The following RAD51B variants were observed in gnomAD, a reference collection of about 807,000 sequenced individuals.
RAD51B encodes the protein DNA repair protein RAD51 homolog 2.
Under a neutral mutation model 42.2 loss-of-function variants are expected in RAD51B, and 38 were observed. The ratio of observed to expected loss-of-function variants is 0.90; its 90% CI spans 0.70 to 1.18. RAD51B has a LOEUF of 1.18. Ranked by LOEUF, RAD51B falls within the 50% of genes most tolerant of loss-of-function variation. RAD51B has a pLI of 0.00. For synonymous variants in RAD51B, 154 were observed against 145.2 expected (o/e 1.06, Z -0.43); for missense variants, 373 against 400.7 (o/e 0.93, Z 0.59).
chr14:68,359,609 G>A (rs749352), intron 8 of RAD51B, among the ~76,000 whole-genome samples: 6,096 of 152,272 alleles, frequency 0.04, 142 homozygotes, highest in African/African-American at 0.056. Flanking sequence ...AGTTCCTATG[G>A]CCGTTACCTC....
At chr14:68,611,864 G>A (rs1251637916), downstream of RAD51B, among the ~76,000 whole-genome samples, 3 of 151,734 alleles carry the variant, frequency 2.0e-5, no homozygotes, top group Admixed American at 6.6e-5. Context: ...GCTGTGGCCT[G>A]ACTCCAAGTC....
At chr14:68,218,284 T>G (rs2079854833) in intron 7 of RAD51B, among the ~76,000 whole-genome samples, 1 of 152,212 alleles carries the variant, frequency 6.6e-6, no homozygotes, top group Admixed American at 6.5e-5. Context: ...CCTTATCCCC[T>G]TTCCAAGTGA....
intron 8 of RAD51B, among the ~76,000 whole-genome samples, chr14:68,315,575 G>A (rs927803479): frequency 3.3e-5 from 5 of 152,044 alleles, no homozygotes; most frequent in East Asian, 3.9e-4. Context: ...AGGCTGGAGT[G>A]CAGTGGCGTG....
At chr14:68,390,433 T>C (rs777880811) in intron 8 of RAD51B, among the ~76,000 whole-genome samples, 3 of 152,266 alleles carry the variant, frequency 2.0e-5, no homozygotes, top group Non-Finnish European at 2.9e-5. Context: ...CCATTGGATT[T>C]GTCTGAGTGA....
chr14:68,227,372 C>T (rs1872884985), intron 7 of RAD51B, among the ~76,000 whole-genome samples: 2 of 152,124 alleles, frequency 1.3e-5, no homozygotes, highest in South Asian at 4.1e-4. Flanking sequence ...TGAAGACTGC[C>T]TGGGTTTAAA....
intron 8 of RAD51B, among the ~76,000 whole-genome samples, chr14:68,338,406 G>A (rs1204227655): frequency 6.6e-6 from 1 of 152,144 alleles, no homozygotes; most frequent in Non-Finnish European, 1.5e-5. Context: ...TGAGCACATG[G>A]CCAAACATGG....
rs2040711717 is a variant in RAD51B at position 67,823,643 on chromosome 14, C to T, written c.84+16C>T. 5 of 1,594,710 alleles carry T rather than the reference C, an allele frequency of 3.1e-6. No individual in the cohort carries two copies. The highest frequency in any genetic ancestry group is 4.3e-6 in the Non-Finnish European group (5 of 1,165,654). On this transcript the variant is annotated intron_variant, in intron 2 of 10. Transcript: ENST00000471583. The stretch of plus-strand genomic sequence containing the variant: ...TACCTGTCAGGTAAATTTTATTTAA[C>T]ATTTTTATTGATAAGTTTTATGCAC...
intron 11 of RAD51B, among the ~76,000 whole-genome samples, chr14:68,654,946 C>G (rs55767067): frequency 3.9e-5 from 6 of 152,068 alleles, no homozygotes; most frequent in African/African-American, 7.2e-5. Flanking sequence ...CTCCCTCCCC[C>G]CCTGCCTTCC....
intron 9 of RAD51B, among the ~76,000 whole-genome samples, chr14:68,432,506 T>A (rs1353963447): frequency 6.6e-6 from 1 of 152,268 alleles, no homozygotes; most frequent in Non-Finnish European, 1.5e-5. Flanking sequence ...CATTATGTAA[T>A]GACCTTCTTT....
intron 8 of RAD51B, among the ~76,000 whole-genome samples, chr14:68,363,260 A>C (rs577850146): frequency 6.6e-6 from 1 of 152,208 alleles, no homozygotes; most frequent in Non-Finnish European, 1.5e-5. Context: ...GATAAACAGA[A>C]TTTTTGAAAC....
rs182350165 is a variant in RAD51B at position 67,891,753 on chromosome 14, A to G, written c.756+4549A>G. Among the ~76,000 whole-genome samples, 12 of 152,216 alleles carry G rather than the reference A, an allele frequency of 7.9e-5. No individual in the cohort carries two copies. In the East Asian group the frequency reaches 2.3e-3, roughly 29 times the overall value. On this transcript the variant is annotated intron_variant, in intron 7 of 10. Coordinates refer to ENST00000471583, the MANE Select transcript of RAD51B (RefSeq NM_133510.4). ...TCTTAGATACTAATAAATATTCAAA[A>G]TAGAAAAATAAGAAACTAGGCCACT...
At chr14:68,332,975 A>G (rs2082378943) in intron 8 of RAD51B, among the ~76,000 whole-genome samples, 1 of 152,182 alleles carries the variant, frequency 6.6e-6, no homozygotes, top group African/African-American at 2.4e-5. Flanking sequence ...GGTGTATCAT[A>G]GTGGAGGGAC....
At chr14:68,472,863 A>G (rs1326201021) in intron 10 of RAD51B, among the ~76,000 whole-genome samples, 1 of 152,242 alleles carries the variant, frequency 6.6e-6, no homozygotes, top group Non-Finnish European at 1.5e-5. Context: ...CTGGAAAGCT[A>G]TGTGCCTCAT....
chr14:68,244,413 T>C (rs2080452906), intron 7 of RAD51B, among the ~76,000 whole-genome samples: 1 of 152,234 alleles, frequency 6.6e-6, no homozygotes, highest in Non-Finnish European at 1.5e-5. Context: ...TTTATTCTCC[T>C]GAGCTCTCTT....
intron 7 of RAD51B, among the ~76,000 whole-genome samples, chr14:67,975,080 G>T (rs762802652): frequency 3.3e-5 from 5 of 151,982 alleles, no homozygotes. Context: ...AAACTTAGCC[G>T]CTTTAAACAA....
At chr14:68,156,989 G>A (rs557862733) in intron 7 of RAD51B, among the ~76,000 whole-genome samples, 42 of 152,196 alleles carry the variant, frequency 2.8e-4, no homozygotes, top group African/African-American at 9.6e-4. Context: ...TTGAGCTCAG[G>A]AGTTCGAGAC....
intron 7 of RAD51B, among the ~76,000 whole-genome samples, chr14:68,075,943 T>C (rs962865668): frequency 5.9e-5 from 9 of 152,190 alleles, no homozygotes; most frequent in African/African-American, 2.2e-4. Flanking sequence ...TGGGATGTCC[T>C]CTCCTGAGAG....
intron 7 of RAD51B, among the ~76,000 whole-genome samples, chr14:68,086,956 T>C (rs758055651): frequency 4.6e-5 from 7 of 151,934 alleles, no homozygotes; most frequent in Non-Finnish European, 1.0e-4. Context: ...ACCAACATGA[T>C]GAAACCTCAT....
chr14:68,453,022 C>G (rs2085596863), intron 9 of RAD51B, among the ~76,000 whole-genome samples: 1 of 152,060 alleles, frequency 6.6e-6, no homozygotes, highest in African/African-American at 2.4e-5. Context: ...TTAAGAGGAG[C>G]TATTTGGTAC....
Sources: allele counts gnomAD v4.1 joint callset (sites outside exome capture counted in the v4.1 genomes callset), GRCh38; gene constraint gnomAD v4.1.1; transcripts MANE v1.5; gene names NCBI Gene and HGNC (gene_info 2026-07-23, HGNC 2026-07-21).